MYO9A: variants seen among roughly 807,000 people sequenced by gnomAD.
MYO9A encodes myosin IXA, also known as unconventional myosin-IXa.
MYO9A carries 103 observed loss-of-function variants against 293.3 expected under a neutral mutation model. That is an observed-to-expected ratio of 0.35 (90% CI 0.30 to 0.41). The LOEUF (loss-of-function observed/expected upper bound fraction) is 0.41. Ranked by LOEUF, MYO9A falls within the 10% of genes least tolerant of loss-of-function variation. MYO9A has a pLI of 1.00. For missense variants in MYO9A, 2,685 were observed against 3,033.0 expected (o/e 0.89, Z 2.69); for synonymous variants, 1,001 against 1,035.7 (o/e 0.97, Z 0.64).
At chr15:71,977,661 T>C (rs372716402) in intron 12 of MYO9A, among the ~76,000 whole-genome samples, 3 of 151,712 alleles carry the variant, frequency 2.0e-5, no homozygotes, top group South Asian at 2.1e-4. Context: ...TCAAGGTGTA[T>C]TGAATAAATC....
At chr15:71,977,564 T>C (rs1193065894) in intron 12 of MYO9A, among the ~76,000 whole-genome samples, 3 of 151,722 alleles carry the variant, frequency 2.0e-5, no homozygotes, top group Non-Finnish European at 4.4e-5. Flanking sequence ...CTGCTAAACA[T>C]GAAAACTACA....
At chr15:71,881,451 T>C (rs763253266) in intron 28 of MYO9A, among the ~76,000 whole-genome samples, 13 of 152,054 alleles carry the variant, frequency 8.5e-5, no homozygotes, top group Admixed American at 5.9e-4. Context: ...CAGGCAGGAA[T>C]TGAGAGAAAC....
intron 2 of MYO9A, among the ~76,000 whole-genome samples, chr15:72,043,836 T>C (rs1389167200): frequency 1.3e-5 from 2 of 152,198 alleles, no homozygotes. Context: ...CGCAGTTTAC[T>C]GTATTTCAAT....
rs2077061921 is a variant in MYO9A, at chr15:72,007,963, A to G, written c.1254-11T>C. ...AGAAGAGAGAAAATCCTGGGAAAATAAAACACAAATTATAGCTTAGTTGTG... is the reference window on the plus strand; with the variant it reads ...AGAAGAGAGAAAATCCTGGGAAAATGAAACACAAATTATAGCTTAGTTGTG... On this transcript the variant is annotated splice_polypyrimidine_tract_variant and intron_variant, in intron 7 of 41. Transcript: ENST00000356056. 2 of 1,606,096 alleles carry G rather than the reference A, an allele frequency of 1.2e-6. No homozygotes were observed. The highest frequency in any genetic ancestry group is 1.7e-5 in the Admixed American group (1 of 58,270).
At chr15:71,829,813 G>A (rs2054643799) in intron 40 of MYO9A, among the ~76,000 whole-genome samples, 2 of 152,032 alleles carry the variant, frequency 1.3e-5, no homozygotes, top group African/African-American at 2.4e-5. Context: ...GATGAATCGT[G>A]ACTAAGACTG....
Position 71,851,239 on chromosome 15 carries a change from C to T in MYO9A, c.6581+14G>A. The stretch of plus-strand genomic sequence containing the variant: ...GAAACTATTAAAAATCGTTCCCTTG[C>T]TTCTTAAAGTTACCTGACTAGATGA... On this transcript the variant is annotated intron_variant, in intron 37 of 41. Coordinates refer to ENST00000356056, the MANE Select transcript of MYO9A (RefSeq NM_006901.4). 1 of 1,594,454 alleles carries T rather than the reference C, an allele frequency of 6.3e-7. No homozygotes were observed. Among genetic ancestry groups the T allele is most frequent in the South Asian group, 1.1e-5 (1 of 88,914 alleles).
intron 39 of MYO9A, among the ~76,000 whole-genome samples, chr15:71,841,819 GT>G (rs904083246): frequency 7.1e-6 from 1 of 141,608 alleles, no homozygotes; most frequent in Non-Finnish European, 1.5e-5. Context: ...TGTTTTTTTT[GT>G]TTTTTTTGTA....
intron 31 of MYO9A, among the ~76,000 whole-genome samples, chr15:71,876,662 C>G (rs573703574): frequency 6.6e-6 from 1 of 151,786 alleles, no homozygotes; most frequent in Admixed American, 6.6e-5. Context: ...TCTCGATCTC[C>G]CGACCTTGTG....
intron 4 of MYO9A, among the ~76,000 whole-genome samples, chr15:72,025,377 T>C (rs1185525787): frequency 6.6e-6 from 1 of 152,144 alleles, no homozygotes; most frequent in Non-Finnish European, 1.5e-5. Context: ...AACTTTTTTT[T>C]TGAGATGGAG....
intron 2 of MYO9A, among the ~76,000 whole-genome samples, chr15:72,034,145 A>G (rs994179887): frequency 7.2e-5 from 11 of 152,248 alleles, no homozygotes; most frequent in African/African-American, 2.7e-4. Flanking sequence ...GTCGTACTCA[A>G]CTACAACTGT....
At chr15:72,091,709 C>A (rs574047365) in intron 1 of MYO9A, among the ~76,000 whole-genome samples, 8 of 71,636 alleles carry the variant, frequency 1.1e-4, no homozygotes, top group African/African-American at 3.3e-4. Context: ...AATATATATT[C>A]TTTTTTTCTT....
chr15:72,035,990 T>C (rs2078035330), intron 2 of MYO9A, among the ~76,000 whole-genome samples: 1 of 150,424 alleles, frequency 6.6e-6, no homozygotes, highest in South Asian at 2.1e-4. Context: ...ATATTTTAAA[T>C]TCATAGAATT....
rs781089347 is a variant in MYO9A, at chr15:71,880,375, A to G, written c.5582T>C (p.Val1861Ala). The G allele has an allele frequency of 6.2e-7, 1 of 1,614,192 alleles. No individual in the cohort carries two copies. Among genetic ancestry groups the G allele is most frequent in the South Asian group, 1.1e-5 (1 of 91,082 alleles). ...QNDSVQIIAS[V>A]SDLKSMDEFL... ...TTCATCCATGCTTTTTAAATCACTG[A>G]CACTTGCTATGATCTGGACAGAGTC... Residue 1861 changes from valine to alanine, a missense_variant, in exon 29 of 42, where the codon GTC (valine) becomes GCC (alanine). Physicochemically the swap from Val to Ala is moderately conservative, Grantham distance 64. Transcript: ENST00000356056.
intron 11 of MYO9A, among the ~76,000 whole-genome samples, chr15:71,981,218 T>G (rs1195044758): frequency 6.6e-6 from 1 of 152,232 alleles, no homozygotes; most frequent in African/African-American, 2.4e-5. Context: ...GTATCTGTGT[T>G]TATGAGTGAA....
chr15:72,066,085 A>G (rs1034330176), intron 1 of MYO9A, among the ~76,000 whole-genome samples: 3 of 152,356 alleles, frequency 2.0e-5, no homozygotes, highest in East Asian at 1.9e-4. Context: ...ACTGGTGCAC[A>G]TAAGAAGATG....
intron 35 of MYO9A, 91 bp from the exon 36 acceptor site, chr15:71,852,351 G>A (rs1326458312): frequency 6.7e-6 from 8 of 1,198,558 alleles, no homozygotes; most frequent in Non-Finnish European, 8.9e-6. Context: ...TTAAAGGAAG[G>A]CTTCATGTTT....
intron 6 of MYO9A, among the ~76,000 whole-genome samples, chr15:72,017,536 T>C (rs2077379797): frequency 6.6e-6 from 1 of 152,156 alleles, no homozygotes; most frequent in African/African-American, 2.4e-5. Flanking sequence ...TTTGTTAAAA[T>C]GTATCAGAAT....
At chr15:71,845,665 G>A (rs1387398673) in intron 39 of MYO9A, among the ~76,000 whole-genome samples, 2 of 152,076 alleles carry the variant, frequency 1.3e-5, no homozygotes, top group Non-Finnish European at 2.9e-5. Context: ...ATATTCTTTT[G>A]CTACCACACA....
chr15:72,106,882 A>G (rs1421418010), intron 1 of MYO9A, among the ~76,000 whole-genome samples: 1 of 152,258 alleles, frequency 6.6e-6, no homozygotes, highest in Non-Finnish European at 1.5e-5. Flanking sequence ...ACTTTTGAAC[A>G]TAGTACTACT....
Sources: gnomAD v4.1 joint callset for allele counts (sites outside exome capture counted in the v4.1 genomes callset) on GRCh38, gnomAD v4.1.1 for gene constraint, MANE v1.5 for transcripts, NCBI Gene and HGNC (gene_info 2026-07-23, HGNC 2026-07-21) for gene names.